The following SAMD12 variants were observed in gnomAD, a reference collection of about 807,000 sequenced individuals.
SAMD12 encodes sterile alpha motif domain containing 12.
SAMD12 carries 9 observed loss-of-function variants against 15.0 expected under a neutral mutation model. The ratio of observed to expected loss-of-function variants is 0.60; its 90% confidence interval spans 0.36 to 1.05. The LOEUF (loss-of-function observed/expected upper bound fraction) is 1.05. SAMD12 is among the 50% of genes least tolerant of loss of function. SAMD12 has a pLI of 0.01. For missense variants in SAMD12, 230 were observed against 234.2 expected, an observed-to-expected ratio of 0.98 and a Z score of 0.12; for synonymous variants, 86 against 90.1, an observed-to-expected ratio of 0.96 and a Z score of 0.25.
intron 1 of SAMD12, among the ~76,000 whole-genome samples, chr8:118,614,340 G>A (rs919397176): frequency 5.9e-5 from 9 of 152,124 alleles, no homozygotes; most frequent in Admixed American, 1.3e-4. Context: ...TGATAGACAG[G>A]CAAAGGAGTC....
chr8:118,257,341 GACCTAT>G (rs1357517269), intron 4 of SAMD12, among the ~76,000 whole-genome samples: 17 of 152,050 alleles, frequency 1.1e-4, no homozygotes, highest in Non-Finnish European at 2.2e-4. Context: ...ATTAACCAGT[GACCTAT>G]CTGAAATGCT....
downstream of SAMD12, among the ~76,000 whole-genome samples, chr8:118,187,434 A>G (rs1819260478): frequency 2.0e-5 from 3 of 152,184 alleles, no homozygotes; most frequent in Admixed American, 1.3e-4. Flanking sequence ...CTTGGCAAAA[A>G]AGATCAATAG....
exon 5 of SAMD12, chr8:118,192,604 C>T (rs1819436540): frequency 1.3e-5 from 2 of 151,296 alleles, no homozygotes; most frequent in South Asian, 4.2e-4. Flanking sequence ...AACAACAACG[C>T]AACAAATAAC....
chr8:118,267,957 T>C (rs1033908277), intron 4 of SAMD12, among the ~76,000 whole-genome samples: 1 of 152,098 alleles, frequency 6.6e-6, no homozygotes. Flanking sequence ...CCAGGTATGG[T>C]GGCAGGTGCC....
intron 2 of SAMD12, among the ~76,000 whole-genome samples, chr8:118,538,772 C>T (rs182853425): frequency 2.0e-4 from 31 of 152,262 alleles, no homozygotes; most frequent in Admixed American, 5.9e-4. Context: ...TTTGTGTGGA[C>T]AGTTGTTTAA....
intron 4 of SAMD12, among the ~76,000 whole-genome samples, chr8:118,258,805 G>A (rs921738283): frequency 1.3e-5 from 2 of 152,100 alleles, no homozygotes; most frequent in Admixed American, 1.3e-4. Flanking sequence ...GACATTAATA[G>A]TAATCGCAGT....
At chr8:118,343,927 G>A (rs770024473) in intron 4 of SAMD12, among the ~76,000 whole-genome samples, 27 of 152,184 alleles carry the variant, frequency 1.8e-4, no homozygotes, top group Non-Finnish European at 3.4e-4. Context: ...TTGTGAAGTG[G>A]GAATAAGAAT....
intron 4 of SAMD12, among the ~76,000 whole-genome samples, chr8:118,363,652 G>C (rs1306710508): frequency 6.6e-6 from 1 of 152,186 alleles, no homozygotes; most frequent in Non-Finnish European, 1.5e-5. Context: ...GCCAACTGCA[G>C]ATCTTGGGAC....
At chr8:118,264,979 T>C (rs962393268) in intron 4 of SAMD12, among the ~76,000 whole-genome samples, 6 of 152,262 alleles carry the variant, frequency 3.9e-5, no homozygotes, top group Admixed American at 6.5e-5. Context: ...GTACTTCCAA[T>C]GGTGATTTCC....
At chr8:118,355,860 A>T (rs1818203024) in intron 4 of SAMD12, among the ~76,000 whole-genome samples, 1 of 152,204 alleles carries the variant, frequency 6.6e-6, no homozygotes, top group South Asian at 2.1e-4. Flanking sequence ...TTTGACTGTG[A>T]TTCTGGTTGA....
intron 2 of SAMD12, among the ~76,000 whole-genome samples, chr8:118,448,397 C>A (rs1481365166): frequency 6.6e-6 from 1 of 152,198 alleles, no homozygotes; most frequent in Non-Finnish European, 1.5e-5. Context: ...GGCTTGCAAC[C>A]TGCACAATGA....
intron 4 of SAMD12, among the ~76,000 whole-genome samples, chr8:118,323,155 C>G (rs1816373768): frequency 6.6e-6 from 1 of 152,182 alleles, no homozygotes. Context: ...GGAACAGAGT[C>G]ACCCACTGAC....
chr8:118,620,382 T>C (rs1464544179), intron 1 of SAMD12, among the ~76,000 whole-genome samples: 2 of 97,602 alleles, frequency 2.0e-5, no homozygotes, highest in African/African-American at 8.5e-5. Context: ...AAGTCTTGAC[T>C]ATCAAGCATA....
intron 2 of SAMD12, among the ~76,000 whole-genome samples, chr8:118,550,880 T>C (rs577385186): frequency 0.013 from 1,923 of 150,016 alleles, 24 homozygotes; most frequent in Middle Eastern, 0.045. Flanking sequence ...TTTGCAATCC[T>C]AGTCTCTGAT....
At chr8:118,137,732 G>C in the SAMD12 span, among the ~76,000 whole-genome samples, 5 of 151,942 alleles carry the variant, frequency 3.3e-5, no homozygotes, top group Non-Finnish European at 7.4e-5. Context: ...CATAAAATAC[G>C]CTAACACTAA....
the SAMD12 span, among the ~76,000 whole-genome samples, chr8:118,177,511 T>C: frequency 6.6e-6 from 1 of 152,114 alleles, no homozygotes; most frequent in Non-Finnish European, 1.5e-5. Flanking sequence ...CCCAAAGTGC[T>C]GAGATTATAG....
intron 4 of SAMD12, among the ~76,000 whole-genome samples, chr8:118,361,068 C>G (rs1378180656): frequency 1.3e-5 from 2 of 152,168 alleles, no homozygotes; most frequent in Non-Finnish European, 2.9e-5. Flanking sequence ...CTCACAACTA[C>G]CCCCTGCTCT....
chr8:118,502,082 C>T (rs1025367127), intron 2 of SAMD12, among the ~76,000 whole-genome samples: 1 of 150,976 alleles, frequency 6.6e-6, no homozygotes, highest in Non-Finnish European at 1.5e-5. Flanking sequence ...GGGGGCCAAG[C>T]TTGTATATTT....
chr8:118,398,439 G>C (rs1469524813), intron 3 of SAMD12, among the ~76,000 whole-genome samples: 4 of 152,004 alleles, frequency 2.6e-5, no homozygotes, highest in African/African-American at 4.8e-5. Context: ...AAATAAAATG[G>C]CTACGATCAC....
Sources: allele counts gnomAD v4.1 joint callset (sites outside exome capture counted in the v4.1 genomes callset), GRCh38; gene constraint gnomAD v4.1.1; transcripts MANE v1.5; gene names NCBI Gene and HGNC (gene_info 2026-07-23, HGNC 2026-07-21).